The following MOBP variants were observed in gnomAD, a reference collection of about 807,000 sequenced individuals.
MOBP encodes the protein myelin-associated oligodendrocyte basic protein.
A neutral mutation model predicts 15.0 loss-of-function variants in MOBP; 5 were observed. The ratio of observed to expected loss-of-function variants is 0.33; its 90% CI spans 0.17 to 0.70. The LOEUF (loss-of-function observed/expected upper bound fraction) is 0.70. MOBP is among the 30% of genes least tolerant of loss of function. The pLI, the probability that MOBP is intolerant of heterozygous loss-of-function variation, is 0.67. For synonymous variants in MOBP, 88 were observed against 99.0 expected (o/e 0.89, Z 0.66); for missense variants, 188 against 257.8 (o/e 0.73, Z 1.85).
At chr3:39,468,451 G>T (rs2042374564) in intron 1 of MOBP, among the ~76,000 whole-genome samples, 1 of 152,204 alleles carries the variant, frequency 6.6e-6, no homozygotes, top group Non-Finnish European at 1.5e-5. Flanking sequence ...CAGGGAGGCA[G>T]AGAGCAGGCT....
chr3:39,507,167 G>A (rs1484580292), downstream of MOBP, among the ~76,000 whole-genome samples: 7 of 152,210 alleles, frequency 4.6e-5, no homozygotes, highest in Non-Finnish European at 1.0e-4. Flanking sequence ...ACATTAATAT[G>A]TGAGCCTATT....
intron 2 of MOBP, among the ~76,000 whole-genome samples, chr3:39,486,101 G>A (rs2042704184): frequency 6.6e-6 from 1 of 152,136 alleles, no homozygotes; most frequent in East Asian, 1.9e-4. Flanking sequence ...GAGTCTCTAT[G>A]ATTTGCTTTC....
In MOBP at chr3:39,476,699, T is replaced by A. The variant is rs547983573; in HGVS notation, c.-88-3341T>A. On this transcript the variant is annotated intron_variant, in intron 1 of 3. Transcript: ENST00000684792. ...ATTTATTTATTGTAGTCAGTTTCATTATTCACAGCCTGCATTTCATCTTGG... is the reference window on the plus strand; with the variant it reads ...ATTTATTTATTGTAGTCAGTTTCATAATTCACAGCCTGCATTTCATCTTGG... Among the ~76,000 whole-genome samples the A allele has an allele frequency of 3.0e-4, 46 of 152,332 alleles. No individual in the cohort carries two copies. The South Asian group carries it at 6.2e-3, about 21-fold the overall frequency.
chr3:39,519,982 T>G (rs1488709700), downstream of MOBP, among the ~76,000 whole-genome samples: 1 of 151,496 alleles, frequency 6.6e-6, no homozygotes, highest in Admixed American at 6.6e-5. Context: ...TTTTTACAAC[T>G]TAAATTTAAA....
downstream of MOBP, among the ~76,000 whole-genome samples, chr3:39,519,690 G>C (rs2043242953): frequency 6.6e-6 from 1 of 152,016 alleles, no homozygotes; most frequent in South Asian, 2.1e-4. Flanking sequence ...CAGCTGTCTA[G>C]TATATTTATT....
At chr3:39,477,840 T>C (rs993784020) in intron 1 of MOBP, among the ~76,000 whole-genome samples, 1 of 151,408 alleles carries the variant, frequency 6.6e-6, no homozygotes, top group Non-Finnish European at 1.5e-5. Context: ...AGAAAAAAGT[T>C]TAAAAAATTA....
Position 39,502,429 on chromosome 3 carries a change from G to T in MOBP, c.207-106G>T. Reference sequence around the variant, plus strand: ...GGCACTCCAGGGAGACTGGAAGGTGGGTGGGGGAGCAGGGCCTTCCTACCT... The same window carrying T: ...GGCACTCCAGGGAGACTGGAAGGTGTGTGGGGGAGCAGGGCCTTCCTACCT... On this transcript the variant is annotated intron_variant, in intron 3 of 3. Coordinates refer to ENST00000684792, the MANE Select transcript of MOBP (RefSeq NM_001393704.1). The surrounding 1 kb of genome is among the most constrained non-coding windows in gnomAD (Gnocchi z 6.3). The T allele has an allele frequency of 6.6e-7, 1 of 1,523,032 alleles. No homozygotes were observed. Among genetic ancestry groups the T allele is most frequent in the Non-Finnish European group, 8.8e-7 (1 of 1,139,986 alleles). The allele number at this position is 1,523,032 out of a possible 1,614,324, so 94.3% of individuals were successfully genotyped here. A position where few individuals can be genotyped will look rare whatever the true frequency, so the allele number is the denominator to read the frequency against.
At chr3:39,493,143 G>A (rs955026545) in intron 2 of MOBP, among the ~76,000 whole-genome samples, 1 of 152,112 alleles carries the variant, frequency 6.6e-6, no homozygotes, top group Non-Finnish European at 1.5e-5. Context: ...CAGAAAAGAT[G>A]ATAAAAAGAA....
At chr3:39,487,541 T>G (rs1453341390) in intron 2 of MOBP, among the ~76,000 whole-genome samples, 1 of 133,722 alleles carries the variant, frequency 7.5e-6, no homozygotes, top group East Asian at 2.1e-4. Context: ...TTTTTTTTTT[T>G]GAGATGGAGT....
chr3:39,514,957 GGTGTGTGC>G (rs1423161904), exon 5 of MOBP: 2 of 137,250 alleles, frequency 1.5e-5, no homozygotes, highest in East Asian at 2.2e-4. Context: ...CCTGTGGACT[GGTGTGTGC>G]GTGTGTGTGT....
At chr3:39,474,501 A>T (rs1165235276) in intron 1 of MOBP, among the ~76,000 whole-genome samples, 1 of 152,230 alleles carries the variant, frequency 6.6e-6, no homozygotes, top group Non-Finnish European at 1.5e-5. Flanking sequence ...AACAGAAAAG[A>T]TACAGTAAAA....
Position 39,502,394 on chromosome 3 carries a change from G to C in MOBP, c.206+119G>C. 6.5e-7 allele frequency: 1 copy of C among 1,536,278 alleles called. No homozygotes were observed. Among genetic ancestry groups the C allele is most frequent in the Non-Finnish European group, 8.7e-7 (1 of 1,144,982 alleles). Reference sequence around the variant, plus strand: ...CCTAGTCGGCTCCGGGTTAGGCTCCGACACCGGAAGGCACTCCAGGGAGAC... The same window carrying C: ...CCTAGTCGGCTCCGGGTTAGGCTCCCACACCGGAAGGCACTCCAGGGAGAC... On this transcript the variant is annotated intron_variant, in intron 3 of 3. Transcript: ENST00000684792. This position sits in a 1 kb window ranked among gnomAD's most constrained non-coding sequence, Gnocchi z 6.3.
rs563141024 is a variant in MOBP at position 39,522,747 on chromosome 3, G to T, written c.*259-1496G>T. Among the ~76,000 whole-genome samples the T allele has an allele frequency of 1.6e-4, 24 of 152,128 alleles. 1 individual carries two copies. Among genetic ancestry groups the T allele is most frequent in the Non-Finnish European group, 2.5e-4 (17 of 68,018 alleles). On this transcript the variant is annotated intron_variant and NMD_transcript_variant, in intron 3 of 4. Coordinates refer to the MOBP transcript ENST00000424090. ...CACAGTATCAACTTTTACACAAAAG[G>T]TTCCGTATACTGTAAGATTTGCAGT...
intron 2 of MOBP, 133 bp from the exon 3 acceptor site, chr3:39,501,933 G>A (rs2042975269): frequency 1.0e-5 from 7 of 667,800 alleles, no homozygotes; most frequent in Admixed American, 2.7e-5. Context: ...GGTCTTCCAG[G>A]GTGTTGCTCT....
chr3:39,508,797 T>C (rs924647253), intron 4 of MOBP, among the ~76,000 whole-genome samples: 5 of 152,116 alleles, frequency 3.3e-5, no homozygotes, highest in African/African-American at 1.2e-4. Context: ...TCTGCCCACC[T>C]CGGACTTTCA....
intron 1 of MOBP, among the ~76,000 whole-genome samples, chr3:39,476,070 TC>T (rs2125626590): frequency 6.6e-6 from 1 of 152,224 alleles, no homozygotes; most frequent in South Asian, 2.1e-4. Flanking sequence ...TCAGGAAGCT[TC>T]CAATCATCAC....
intron 3 of MOBP, chr3:39,524,104 T>G (rs986750066): frequency 6.6e-6 from 1 of 152,232 alleles, no homozygotes; most frequent in Admixed American, 6.5e-5. Context: ...TCTCACCCTC[T>G]TGGTCAAGGA....
chr3:39,469,298 GTATA>G (rs1040765742), intron 1 of MOBP, among the ~76,000 whole-genome samples: 1 of 141,710 alleles, frequency 7.1e-6, no homozygotes, highest in African/African-American at 2.6e-5. Flanking sequence ...GTGTGTATAT[GTATA>G]TATACACATA....
At chr3:39,519,959 GT>G (rs11303840), downstream of MOBP, among the ~76,000 whole-genome samples, 42,801 of 131,980 alleles carry the variant, frequency 0.32, 7,705 homozygotes, top group African/African-American at 0.56. Flanking sequence ...CATGACATCT[GT>G]TTTTTTTTTT....
Sources: allele counts gnomAD v4.1 joint callset (sites outside exome capture counted in the v4.1 genomes callset), GRCh38; gene constraint gnomAD v4.1.1; non-coding constraint Gnocchi (gnomAD v3.1); transcripts MANE v1.5; gene names NCBI Gene and HGNC (gene_info 2026-07-23, HGNC 2026-07-21).